Variants in AP1G2 observed in about 807,000 individuals in gnomAD.
AP1G2 encodes the protein AP-1 complex subunit gamma-like 2.
In AP1G2, 85 loss-of-function variants were observed where a neutral mutation model predicts 95.8. The observed-to-expected ratio is 0.89, with a 90% confidence interval of 0.74 to 1.06. AP1G2 has a LOEUF of 1.06. Ranked by LOEUF, AP1G2 falls within the 50% of genes least tolerant of loss-of-function variation. The pLI, the probability that AP1G2 is intolerant of heterozygous loss-of-function variation, is 0.00. For synonymous variants in AP1G2, 378 were observed against 400.0 expected, an observed-to-expected ratio of 0.94 and a Z score of 0.66; for missense variants, 967 against 1,005.8, an observed-to-expected ratio of 0.96 and a Z score of 0.52.
Position 23,566,412 on chromosome 14 carries a change from T to G in AP1G2, c.337A>C (p.Ser113Arg). ...CCTTGTACTGGCTGAATCCCCTGGCTCAGGTCACTGCAGGGTTTGGGAGGA... is the reference window on the plus strand; with the variant it reads ...CCTTGTACTGGCTGAATCCCCTGGCGCAGGTCACTGCAGGGTTTGGGAGGA... Reference protein sequence around the residue: ...LITNSIKNDLSQGIQPVQGLA... With the variant: ...LITNSIKNDLRQGIQPVQGLA... The change falls in exon 4 of 22, where the codon AGC becomes CGC. Residue 113 changes from serine to arginine, a missense_variant. Coordinates refer to ENST00000397120, the MANE Select transcript of AP1G2 (RefSeq NM_003917.5). 6.2e-7 allele frequency: 1 copy of G among 1,613,848 alleles called. No homozygotes were observed. Among genetic ancestry groups the G allele is most frequent in the Non-Finnish European group, 8.5e-7 (1 of 1,179,862 alleles).
intron 16 of AP1G2, 41 bp downstream of exon 16, chr14:23,562,247 A>G (rs1442122963): frequency 1.2e-6 from 2 of 1,611,346 alleles, no homozygotes. Context: ...GGGTGGACCC[A>G]GTGACAGGCC....
In AP1G2 at chr14:23,567,278, C is replaced by T; in HGVS notation, c.37G>A (p.Glu13Lys). 4.3e-6 allele frequency: 7 copies of T among 1,613,294 alleles called. No homozygotes were observed. The highest frequency in any genetic ancestry group is 5.9e-6 in the Non-Finnish European group (7 of 1,179,728). Residue 13 changes from glutamate (E) to lysine (K), a missense_variant, in exon 2 of 22, where the codon GAA becomes AAA. By Grantham distance (56) the Glu-to-Lys change is moderately conservative. Coordinates refer to ENST00000397120, the MANE Select transcript of AP1G2 (RefSeq NM_003917.5). This position sits in a 1 kb window ranked among gnomAD's most constrained non-coding sequence, Gnocchi z 5.3. ...VPSLKLQDLI[E>K]EIRGAKTQAQ... Reference sequence around the variant, plus strand: ...TGAGTCTTGGCCCCGCGAATCTCTTCGATGAGGTCCTGAAGCTTCAGCGAA... The same window carrying T: ...TGAGTCTTGGCCCCGCGAATCTCTTTGATGAGGTCCTGAAGCTTCAGCGAA...
chr14:23,563,419 C>T lies in AP1G2; in HGVS notation c.1371G>A (p.Val457=). 6.2e-7 allele frequency: 1 copy of T among 1,610,324 alleles called. No homozygotes were observed. Among genetic ancestry groups the T allele is most frequent in the Non-Finnish European group, 8.5e-7 (1 of 1,178,700 alleles). ...GGAQELHAYS[V]RRLYNALAED... ...CTGCCAGGGCATTGTAGAGGCGGCG[C>T]ACAGAGTAGGCATGTAGCTCCTGGG... The change falls in exon 14 of 22, where the codon GTG becomes GTA. Residue 457 remains valine (V), a synonymous_variant. Transcript: ENST00000397120.
At position 23,565,837 on chromosome 14, in the gene AP1G2, T is replaced by A; in HGVS notation, c.624A>T (p.Ala208=). 6.3e-7 allele frequency: 1 copy of A among 1,577,840 alleles called. No homozygotes were observed. Among genetic ancestry groups the A allele is most frequent in the South Asian group, 1.2e-5 (1 of 84,594 alleles). ...LITELCERSP[A]ALRHFRKVVP... ...CCACCTTTCGGAAGTGCCTGAGGGC[T>A]GCAGGGCTTCGTTCGCAGAGCTCCG... is the stretch of plus-strand genomic sequence containing the variant. Residue 208 remains alanine (A), a synonymous_variant, in exon 6 of 22, where the codon GCA becomes GCT. Transcript: ENST00000397120.
chr14:23,566,081 A>T lies in AP1G2; in HGVS notation c.551T>A (p.Leu184His), dbSNP rs1887794253. 1 of 1,614,022 alleles carries T rather than the reference A, an allele frequency of 6.2e-7. No homozygotes were observed. Among genetic ancestry groups the T allele is most frequent in the Non-Finnish European group, 8.5e-7 (1 of 1,180,004 alleles). The change falls in exon 5 of 22, where the codon CTT becomes CAT. Residue 184 changes from leucine (L) to histidine (H), a missense_variant. Coordinates refer to ENST00000397120, the MANE Select transcript of AP1G2 (RefSeq NM_003917.5). ...SVFLPPCAQL[L>H]HERHHGILLG... ...AGCCTTACCATGGTGACGCTCATGA[A>T]GCAGTTGGGCACAGGGTGGGAGGAA...
chr14:23,563,367 G>A lies in AP1G2; in HGVS notation c.1410+13C>T. 2 of 1,577,842 alleles carry A rather than the reference G, an allele frequency of 1.3e-6. No individual in the cohort carries two copies. The highest frequency in any genetic ancestry group is 2.3e-5 in the East Asian group (1 of 42,728). On this transcript the variant is annotated intron_variant, in intron 14 of 21. Transcript: ENST00000397120. ...GTTGGGCAGCCCTGGGCCTAGGTAGGTGGGAATGGTACCTGGGAAATGTCT... is the reference window on the plus strand; with the variant it reads ...GTTGGGCAGCCCTGGGCCTAGGTAGATGGGAATGGTACCTGGGAAATGTCT...
At chr14:23,562,692 C>T (rs1885570501) in intron 14 of AP1G2, 99 bp from the exon 15 acceptor site, 1 of 1,261,904 alleles carries the variant, frequency 7.9e-7, no homozygotes, top group African/African-American at 1.5e-5. Flanking sequence ...TGCTTGAGAC[C>T]AGGAGTTCAA....
chr14:23,565,853 C>T lies in AP1G2; in HGVS notation c.608G>A (p.Cys203Tyr), dbSNP rs1887629726. The T allele has an allele frequency of 6.3e-7, 1 of 1,575,830 alleles. No homozygotes were observed. The highest frequency in any genetic ancestry group is 8.6e-7 in the Non-Finnish European group (1 of 1,161,146). ...LGTITLITEL[C>Y]ERSPAALRHF... is the part of the protein sequence containing the mutation. Reference sequence around the variant, plus strand: ...CCTGAGGGCTGCAGGGCTTCGTTCGCAGAGCTCCGTGATCAGCGTGATGGT... The same window carrying T: ...CCTGAGGGCTGCAGGGCTTCGTTCGTAGAGCTCCGTGATCAGCGTGATGGT... The change falls in exon 6 of 22, where the codon TGC becomes TAC. Residue 203 changes from cysteine (C) to tyrosine (Y), a missense_variant. Cys to Tyr is a radical substitution (Grantham distance 194). Transcript: ENST00000397120.
At chr14:23,561,832 C>G in intron 17 of AP1G2, 130 bp downstream of exon 17, 3 of 1,469,254 alleles carry the variant, frequency 2.0e-6, no homozygotes, top group Non-Finnish European at 1.8e-6. Context: ...CTTCAATTAA[C>G]AGTGGGTGGG....
intron 16 of AP1G2, 22 bp downstream of exon 16, chr14:23,562,266 A>G (rs1217657017): frequency 6.2e-7 from 1 of 1,613,502 alleles, no homozygotes; most frequent in Non-Finnish European, 8.5e-7. Flanking sequence ...CCATCTCTCA[A>G]GGGGCTGGGA....
At chr14:23,561,233 G>C in intron 19 of AP1G2, 63 bp downstream of exon 19, 1 of 1,503,614 alleles carries the variant, frequency 6.7e-7, no homozygotes, top group Non-Finnish European at 8.9e-7. Context: ...CCTTGGCTTA[G>C]GAGGAGGAGC....
At chr14:23,566,490 A>G in intron 3 of AP1G2, 71 bp from the exon 4 acceptor site, 1 of 1,607,372 alleles carries the variant, frequency 6.2e-7, no homozygotes, top group Non-Finnish European at 8.5e-7. Flanking sequence ...CACAACAGGC[A>G]GTCCCCTGGG....
intron 11 of AP1G2, 24 bp downstream of exon 11, chr14:23,564,022 C>G (rs1443896619): frequency 3.1e-6 from 5 of 1,613,348 alleles, no homozygotes; most frequent in Non-Finnish European, 4.2e-6. Context: ...GCCCTGCCCT[C>G]CTGTCCCCTC....
rs781121124 is a variant in AP1G2, at chr14:23,562,007, C to T, written c.1688G>A (p.Arg563Gln). 233 of 1,613,340 alleles carry T rather than the reference C, an allele frequency of 1.4e-4. No individual in the cohort carries two copies. The highest frequency in any genetic ancestry group is 2.7e-4 in the East Asian group (12 of 44,874). Reference protein sequence around the residue: ...GSCLDVELQQRAVEYDTLFRK... With the variant: ...GSCLDVELQQQAVEYDTLFRK... ...GAAGAGTGTGTCATACTCCACAGCC[C>T]GCTGCTGCAGCTCCACGTCCAAGCA... The change falls in exon 17 of 22, where the codon CGG (arginine) becomes CAG (glutamine). Residue 563 changes from arginine (R) to glutamine (Q), a missense_variant. By Grantham distance (43) the Arg-to-Gln change is conservative. Coordinates refer to ENST00000397120, the MANE Select transcript of AP1G2 (RefSeq NM_003917.5).
intron 3 of AP1G2, 45 bp downstream of exon 3, chr14:23,566,517 C>T (rs750039546): frequency 6.2e-7 from 1 of 1,611,056 alleles, no homozygotes; most frequent in Non-Finnish European, 8.5e-7. Flanking sequence ...AAGGTCCCTA[C>T]TCTCCCATCT....
Position 23,565,112 on chromosome 14 carries a change from G to A in AP1G2, c.822+7C>T, listed in dbSNP as rs1399351588. The A allele has an allele frequency of 1.2e-6, 2 of 1,614,138 alleles. No homozygotes were observed. Among genetic ancestry groups the A allele is most frequent in the Non-Finnish European group, 1.7e-6 (2 of 1,179,958 alleles). On this transcript the variant is annotated splice_region_variant and intron_variant, in intron 8 of 21. Coordinates refer to ENST00000397120, the MANE Select transcript of AP1G2 (RefSeq NM_003917.5). ...ACACAGCTAACCAGTGCCCTCCCAG[G>A]CCCCACCTGGGCCAGCAAGTCATTC... is the stretch of plus-strand genomic sequence containing the variant.
intron 20 of AP1G2, 28 bp from the exon 21 acceptor site, chr14:23,560,064 G>T: frequency 6.6e-7 from 1 of 1,512,036 alleles, no homozygotes; most frequent in Non-Finnish European, 9.1e-7. Flanking sequence ...ACAGAGCACA[G>T]TATGGCAGTA....
In AP1G2 at chr14:23,561,645, T is replaced by G. The variant is rs769398029; in HGVS notation, c.1734-10A>C. On this transcript the variant is annotated splice_polypyrimidine_tract_variant and intron_variant, in intron 17 of 21. Coordinates refer to ENST00000397120, the MANE Select transcript of AP1G2 (RefSeq NM_003917.5). ...TTCCAGGATGGCAGCCCTGAGAGGA[T>G]GGAATGCAAGTGTGCCTCTGTGTGG... 3 of 1,613,284 alleles carry G rather than the reference T, an allele frequency of 1.9e-6. No individual in the cohort carries two copies. In the Admixed American group the frequency reaches 5.0e-5, roughly 27 times the overall value.
Position 23,559,999 on chromosome 14 carries a change from G to A in AP1G2, c.2195C>T (p.Thr732Ile), listed in dbSNP as rs1247180749. The change falls in exon 21 of 22, where the codon ACA becomes ATA. Residue 732 changes from threonine to isoleucine, a missense_variant. By Grantham distance (89) the Thr-to-Ile change is moderately conservative. Transcript: ENST00000397120. ...AGGAAGGCCACCCCGAGCTGGAACT[G>A]TGTTCCCACTGGGGGCCTGCAGCTG... Reference protein sequence around the residue: ...QLQLQAPSGNTVPARGGLPIT... With the variant: ...QLQLQAPSGNIVPARGGLPIT... The A allele has an allele frequency of 1.2e-5, 19 of 1,611,888 alleles. No individual in the cohort carries two copies. Among genetic ancestry groups the A allele is most frequent in the Non-Finnish European group, 1.5e-5 (18 of 1,178,744 alleles).
Sources: allele counts gnomAD v4.1 joint callset, GRCh38; gene constraint gnomAD v4.1.1; non-coding constraint Gnocchi (gnomAD v3.1); transcripts MANE v1.5; gene names NCBI Gene and HGNC (gene_info 2026-07-23, HGNC 2026-07-21).